Variants in WDR7 observed in about 807,000 individuals in gnomAD.
WDR7 encodes WD repeat domain 7.
Under a neutral mutation model 169.4 loss-of-function variants are expected in WDR7, and 46 were observed. That is an observed-to-expected ratio of 0.27 (90% CI 0.21 to 0.35). The LOEUF is 0.35. WDR7 is among the 10% of genes least tolerant of loss of function. The pLI, the probability that WDR7 is intolerant of heterozygous loss-of-function variation, is 1.00. For missense variants in WDR7, 1,534 were observed against 1,859.3 expected, an observed-to-expected ratio of 0.83 and a Z score of 3.22; for synonymous variants, 612 against 666.8, an observed-to-expected ratio of 0.92 and a Z score of 1.27.
At chr18:56,702,799 G>A (rs999899656) in intron 12 of WDR7, among the ~76,000 whole-genome samples, 2 of 152,120 alleles carry the variant, frequency 1.3e-5, no homozygotes, top group African/African-American at 4.8e-5. Context: ...GGAAGGAGTA[G>A]GGAAACTTAT....
chr18:56,661,895 A>G (rs1431852505), intron 1 of WDR7, among the ~76,000 whole-genome samples: 1 of 152,156 alleles, frequency 6.6e-6, no homozygotes, highest in Non-Finnish European at 1.5e-5. Flanking sequence ...CACACACACA[A>G]AATACATCAT....
chr18:56,926,014 C>T lies in WDR7; in HGVS notation c.3713+1906C>T, dbSNP rs73438789. Among the ~76,000 whole-genome samples, 1,393 of 152,228 alleles carry T rather than the reference C, an allele frequency of 9.2e-3. 21 individuals carry two copies. The highest frequency in any genetic ancestry group is 0.032 in the African/African-American group (1,348 of 41,524). ...ATATATTAAGAGATGAAATGTCTTCCTATGTGGCAGAAGTACTGGTGGTAC... is the reference window on the plus strand; with the variant it reads ...ATATATTAAGAGATGAAATGTCTTCTTATGTGGCAGAAGTACTGGTGGTAC... On this transcript the variant is annotated intron_variant, in intron 22 of 27. Transcript: ENST00000254442.
intron 20 of WDR7, among the ~76,000 whole-genome samples, chr18:56,856,558 A>G (rs1012803842): frequency 2.6e-5 from 4 of 151,816 alleles, no homozygotes; most frequent in South Asian, 2.1e-4. Context: ...AATAAATAAA[A>G]ATAGAAAACT....
intron 26 of WDR7, among the ~76,000 whole-genome samples, chr18:56,971,962 A>G (rs1260279915): frequency 1.3e-5 from 2 of 152,244 alleles, no homozygotes; most frequent in South Asian, 4.1e-4. Context: ...AATGAGTAAT[A>G]TAGATGTTGT....
chr18:56,851,686 A>G (rs1302885488), intron 20 of WDR7, among the ~76,000 whole-genome samples: 1 of 152,208 alleles, frequency 6.6e-6, no homozygotes, highest in Non-Finnish European at 1.5e-5. Flanking sequence ...AATGTCATAC[A>G]AAATGTCAGG....
At chr18:56,888,230 T>C (rs1415282968) in intron 21 of WDR7, among the ~76,000 whole-genome samples, 2 of 152,238 alleles carry the variant, frequency 1.3e-5, no homozygotes, top group East Asian at 3.8e-4. Context: ...TCTTATACTT[T>C]TTTGAACATA....
At chr18:56,680,150 A>G (rs2025324903) in intron 3 of WDR7, among the ~76,000 whole-genome samples, 1 of 152,152 alleles carries the variant, frequency 6.6e-6, no homozygotes, top group South Asian at 2.1e-4. Context: ...TGAGCACAGG[A>G]GTTTGAGACC....
chr18:56,670,335 A>G (rs2025106708), intron 1 of WDR7, among the ~76,000 whole-genome samples: 1 of 152,028 alleles, frequency 6.6e-6, no homozygotes, highest in African/African-American at 2.4e-5. Context: ...GCCATTTAGT[A>G]CCCTATACTC....
chr18:56,726,688 A>G (rs563828363), intron 13 of WDR7, among the ~76,000 whole-genome samples: 2 of 152,170 alleles, frequency 1.3e-5, no homozygotes, highest in South Asian at 4.2e-4. Flanking sequence ...ACTGAGAAAC[A>G]GTTTGATCCT....
intron 14 of WDR7, among the ~76,000 whole-genome samples, chr18:56,741,737 C>A (rs1277327357): frequency 6.6e-6 from 1 of 152,194 alleles, no homozygotes; most frequent in Admixed American, 6.5e-5. Context: ...AATGCAATCT[C>A]AACCATTACA....
chr18:56,928,945 A>G (rs1358501348), intron 22 of WDR7, among the ~76,000 whole-genome samples: 4 of 152,242 alleles, frequency 2.6e-5, no homozygotes, highest in Non-Finnish European at 4.4e-5. Flanking sequence ...GTTAAAGTAC[A>G]TAATCAGAAT....
In WDR7 at chr18:57,027,011, C is replaced by T. The variant is rs143844057; in HGVS notation, c.4277C>T (p.Thr1426Met). The T allele has an allele frequency of 2.9e-4, 465 of 1,613,696 alleles. No individual in the cohort carries two copies. In the African/African-American group the frequency reaches 5.4e-3, roughly 19 times the overall value. The change falls in exon 28 of 28, where the codon ACG (threonine) becomes ATG (methionine). Residue 1426 changes from threonine (T) to methionine (M), a missense_variant. Transcript: ENST00000254442. ...GCTCTCCTGTCCCTCCAGATGAACA[C>T]GTCACTGCTGGGAAGCATCGGCATG... ...DSHISFWQMN[T>M]SLLGSIGMLN... is the part of the protein sequence containing the mutation.
chr18:56,754,347 GTA>G (rs1196448512), intron 14 of WDR7, among the ~76,000 whole-genome samples: 14 of 150,212 alleles, frequency 9.3e-5, no homozygotes, highest in Admixed American at 6.6e-4. Flanking sequence ...ATATATGTGT[GTA>G]TATATGTGTG....
At chr18:56,882,631 A>G (rs890211902) in intron 21 of WDR7, among the ~76,000 whole-genome samples, 1 of 152,178 alleles carries the variant, frequency 6.6e-6, no homozygotes, top group African/African-American at 2.4e-5. Flanking sequence ...GGAAATTTCT[A>G]CCCTCACAGT....
intron 19 of WDR7, among the ~76,000 whole-genome samples, chr18:56,812,058 T>A (rs1336023853): frequency 6.6e-6 from 1 of 152,182 alleles, no homozygotes; most frequent in Non-Finnish European, 1.5e-5. Flanking sequence ...TTGTGGAGAT[T>A]TGGCGTCTTT....
chr18:57,006,575 T>C (rs929548377), intron 26 of WDR7, among the ~76,000 whole-genome samples: 3 of 152,226 alleles, frequency 2.0e-5, no homozygotes, highest in Non-Finnish European at 2.9e-5. Context: ...TCTCCCACTT[T>C]AAGAACATTA....
At chr18:56,988,113 A>AT (rs1198121714) in intron 26 of WDR7, among the ~76,000 whole-genome samples, 5 of 152,174 alleles carry the variant, frequency 3.3e-5, no homozygotes, top group South Asian at 2.1e-4. Context: ...ATTTAAGTTG[A>AT]TTAAGGTATC....
chr18:57,007,081 G>T (rs375794847), intron 26 of WDR7, among the ~76,000 whole-genome samples: 27 of 150,920 alleles, frequency 1.8e-4, no homozygotes, highest in African/African-American at 5.6e-4. Flanking sequence ...CCGGGTTCAC[G>T]CCATTCTCCT....
intron 22 of WDR7, among the ~76,000 whole-genome samples, chr18:56,925,122 A>T (rs1230167106): frequency 6.6e-6 from 1 of 152,198 alleles, no homozygotes; most frequent in Non-Finnish European, 1.5e-5. Context: ...GTTGCTCTTT[A>T]TGGCTGAATA....
Sources: allele counts gnomAD v4.1 joint callset (sites outside exome capture counted in the v4.1 genomes callset), GRCh38; gene constraint gnomAD v4.1.1; transcripts MANE v1.5; gene names NCBI Gene and HGNC (gene_info 2026-07-23, HGNC 2026-07-21).